STOM: variants seen among roughly 807,000 people sequenced by gnomAD.
STOM encodes erythrocyte band 7 integral membrane protein.
In STOM, 25 loss-of-function variants were observed where a neutral mutation model predicts 30.6. That is an observed-to-expected ratio of 0.82 (90% confidence interval 0.60 to 1.14). The LOEUF is 1.14. Ranked by LOEUF, STOM falls within the 50% of genes most tolerant of loss-of-function variation. STOM has a pLI of 0.00. For missense variants in STOM, 292 were observed against 365.2 expected (o/e 0.80, Z 1.63); for synonymous variants, 118 against 130.8 (o/e 0.90, Z 0.67).
chr9:121,340,907 A>AG lies in STOM; in HGVS notation c.*294dup. 1 of 1,216,550 alleles carries AG rather than the reference A, an allele frequency of 8.2e-7. No homozygotes were observed. Among genetic ancestry groups the AG allele is most frequent in the Non-Finnish European group, 1.0e-6 (1 of 965,510 alleles). 75.4% of individuals were successfully genotyped at this position (1,216,550 alleles called of 1,614,324 possible). A position where few individuals can be genotyped will look rare whatever the true frequency, so the allele number is the denominator to read the frequency against. On this transcript the variant is annotated 3_prime_UTR_variant, in exon 7 of 7. Coordinates refer to ENST00000286713, the MANE Select transcript of STOM (RefSeq NM_004099.6). ...GTTCTTGCCTCTGGCCTGGGTGCTT[A>AG]GGGGGTTCAGAATGAGTCAGTGGAA...
chr9:121,349,015 C>T, intron 5 of STOM, 105 bp downstream of exon 5: 3 of 1,323,460 alleles, frequency 2.3e-6, no homozygotes, highest in Non-Finnish European at 3.1e-6. Flanking sequence ...AAAAAACGGT[C>T]ACAGACCCCC....
chr9:121,348,275 C>A (rs188811633), intron 5 of STOM, 126 bp from the exon 6 acceptor site: 1 of 1,336,746 alleles, frequency 7.5e-7, no homozygotes, highest in Non-Finnish European at 1.0e-6. Context: ...AGTTACCCCA[C>A]GGTGGAACGA....
intron 1 of STOM, among the ~76,000 whole-genome samples, chr9:121,361,097 T>C (rs1230553321): frequency 6.6e-6 from 1 of 152,168 alleles, no homozygotes; most frequent in Non-Finnish European, 1.5e-5. Flanking sequence ...AAATCTGATG[T>C]TTTTACAGAG....
chr9:121,368,693 C>G (rs1216125893), intron 1 of STOM, among the ~76,000 whole-genome samples: 5 of 152,148 alleles, frequency 3.3e-5, no homozygotes, highest in Non-Finnish European at 1.5e-5. Flanking sequence ...GTAATCCCAG[C>G]ACTTTGGGAG....
Position 121,357,836 on chromosome 9 carries a change from G to A in STOM, c.62-1680C>T, listed in dbSNP as rs999402657. Among the ~76,000 whole-genome samples the A allele has an allele frequency of 2.0e-5, 3 of 151,970 alleles. No homozygotes were observed. In the South Asian group the frequency reaches 6.2e-4, roughly 32 times the overall value. ...TTCACCTTCTTTTTTGGCCTTCGTG[G>A]TTATGCATTTGTGTTTTTGAAGTTA... On this transcript the variant is annotated intron_variant, in intron 1 of 6. Transcript: ENST00000286713.
intron 1 of STOM, among the ~76,000 whole-genome samples, chr9:121,365,236 C>G (rs1399391292): frequency 1.3e-5 from 2 of 152,002 alleles, no homozygotes; most frequent in African/African-American, 4.8e-5. Flanking sequence ...AAGCAGTTGT[C>G]AACTGCTTTC....
At chr9:121,367,187 G>A (rs547454709) in intron 1 of STOM, among the ~76,000 whole-genome samples, 27 of 150,904 alleles carry the variant, frequency 1.8e-4, no homozygotes, top group Admixed American at 1.4e-3. Flanking sequence ...CCAGGCAGAC[G>A]CAGGGAAAGG....
chr9:121,361,322 C>G, intron 1 of STOM, among the ~76,000 whole-genome samples: 1 of 151,100 alleles, frequency 6.6e-6, no homozygotes, highest in East Asian at 1.9e-4. Flanking sequence ...TGAATCCTTC[C>G]TACCAGTTTT....
chr9:121,339,993 A>G lies in STOM; in HGVS notation c.*1209T>C, dbSNP rs1433321488. On this transcript the variant is annotated 3_prime_UTR_variant, in exon 7 of 7. Transcript: ENST00000286713. ...CAGTTAACAGCATGCAGATAGTAAA[A>G]TATAATGGTTTCCTGAAGTTATCTC... 68 of 998,142 alleles carry G rather than the reference A, an allele frequency of 6.8e-5. 1 individual carries two copies. Among genetic ancestry groups the G allele is most frequent in the Non-Finnish European group, 7.9e-5 (66 of 838,626 alleles). The allele number at this position is 998,142 out of a possible 1,614,324, so 61.8% of individuals were successfully genotyped here.
chr9:121,356,036 A>T lies in STOM; in HGVS notation c.165+17T>A. ...AGGAGTTGACCCCTTCCCAGAAGTGAATGAAATGTTCTTTACCTTTATGCA... is the reference window on the plus strand; with the variant it reads ...AGGAGTTGACCCCTTCCCAGAAGTGTATGAAATGTTCTTTACCTTTATGCA... On this transcript the variant is annotated intron_variant, in intron 2 of 6. Transcript: ENST00000286713. 2 of 1,609,376 alleles carry T rather than the reference A, an allele frequency of 1.2e-6. No homozygotes were observed. Among genetic ancestry groups the T allele is most frequent in the Non-Finnish European group, 1.7e-6 (2 of 1,176,096 alleles).
At chr9:121,346,477 T>C (rs964059994) in intron 6 of STOM, among the ~76,000 whole-genome samples, 4 of 152,226 alleles carry the variant, frequency 2.6e-5, no homozygotes, top group African/African-American at 9.6e-5. Context: ...AGATAATCTC[T>C]GAGGATCCTT....
chr9:121,359,920 A>G (rs1308915067), intron 1 of STOM, among the ~76,000 whole-genome samples: 1 of 152,224 alleles, frequency 6.6e-6, no homozygotes, highest in Non-Finnish European at 1.5e-5. Flanking sequence ...AGCCATGCCT[A>G]TTTATAGCAA....
At chr9:121,347,571 T>C (rs749141089) in intron 6 of STOM, among the ~76,000 whole-genome samples, 1 of 152,024 alleles carries the variant, frequency 6.6e-6, no homozygotes, top group Non-Finnish European at 1.5e-5. Flanking sequence ...AAGTAAGAGA[T>C]GGGTGGTATG....
At chr9:121,342,541 C>CG (rs1292989467) in intron 6 of STOM, among the ~76,000 whole-genome samples, 1 of 151,212 alleles carries the variant, frequency 6.6e-6, no homozygotes, top group East Asian at 1.9e-4. Context: ...AAGAATCTGG[C>CG]GGAAGTGAAG....
chr9:121,351,117 T>C (rs538435562), intron 4 of STOM, among the ~76,000 whole-genome samples: 4 of 152,358 alleles, frequency 2.6e-5, no homozygotes, highest in African/African-American at 7.2e-5. Context: ...CAAGTTCCAA[T>C]CTGCTTTGCA....
chr9:121,356,070 T>A lies in STOM; in HGVS notation c.148A>T (p.Ile50Leu). 6.2e-7 allele frequency: 1 copy of A among 1,614,096 alleles called. No homozygotes were observed. The highest frequency in any genetic ancestry group is 8.5e-7 in the Non-Finnish European group (1 of 1,179,970). ...LFTVITFPIS[I>L]WMCIKIIKEY... ...TTCTTTACCTTTATGCACATCCATA[T>A]TGAGATTGGGAAAGTTATAACGGTG... The change falls in exon 2 of 7, where the codon ATA (isoleucine) becomes TTA (leucine). Residue 50 changes from isoleucine (I) to leucine (L), a missense_variant. Coordinates refer to ENST00000286713, the MANE Select transcript of STOM (RefSeq NM_004099.6).
At chr9:121,351,986 AG>A (rs1477019824) in intron 4 of STOM, among the ~76,000 whole-genome samples, 3 of 152,252 alleles carry the variant, frequency 2.0e-5, no homozygotes, top group Non-Finnish European at 2.9e-5. Flanking sequence ...AGAAACCCAT[AG>A]AAGAGAAATG....
chr9:121,353,342 C>A (rs765811345), intron 3 of STOM, 40 bp from the exon 4 acceptor site: 1 of 1,359,798 alleles, frequency 7.4e-7, no homozygotes, highest in South Asian at 1.3e-5. Context: ...CACCAGCAAC[C>A]TAATCAGTTC....
chr9:121,341,317 C>T lies in STOM; in HGVS notation c.752G>A (p.Arg251Gln). 2 of 1,614,134 alleles carry T rather than the reference C, an allele frequency of 1.2e-6. No homozygotes were observed. Among genetic ancestry groups the T allele is most frequent in the South Asian group, 1.1e-5 (1 of 91,082 alleles). ...ITESPAALQL[R>Q]YLQTLTTIAA... Reference sequence around the variant, plus strand: ...AATGGTGGTCAGTGTCTGCAGGTATCGGAGCTGAAGGGCTGCAGGAGATTC... The same window carrying T: ...AATGGTGGTCAGTGTCTGCAGGTATTGGAGCTGAAGGGCTGCAGGAGATTC... The change falls in exon 7 of 7, where the codon CGA becomes CAA. Residue 251 changes from arginine to glutamine, a missense_variant. Physicochemically the swap from Arg to Gln is conservative, Grantham distance 43 (BLOSUM62 1). Transcript: ENST00000286713.
Sources: gnomAD v4.1 joint callset for allele counts (sites outside exome capture counted in the v4.1 genomes callset) on GRCh38, gnomAD v4.1.1 for gene constraint, MANE v1.5 for transcripts, NCBI Gene and HGNC (gene_info 2026-07-23, HGNC 2026-07-21) for gene names.